The following MACROD2 variants were observed in gnomAD, a reference collection of about 807,000 sequenced individuals.
MACROD2 encodes mono-ADP ribosylhydrolase 2.
MACROD2 carries 36 observed loss-of-function variants against 70.4 expected under a neutral mutation model. The ratio of observed to expected loss-of-function variants is 0.51; its 90% CI spans 0.39 to 0.68. The LOEUF (loss-of-function observed/expected upper bound fraction) is 0.68, where lower values mean the gene tolerates loss of function less well. Ranked by LOEUF, MACROD2 falls within the 30% of genes least tolerant of loss-of-function variation. MACROD2 has a pLI of 0.00. For missense variants in MACROD2, 496 were observed against 538.4 expected (o/e 0.92, Z 0.78); for synonymous variants, 172 against 178.8 (o/e 0.96, Z 0.30).
In MACROD2 at chr20:14,002,489, A is replaced by G. The variant is rs554451178; in HGVS notation, c.163+85A>G. ...CAGAAATGAATAACTGGCGTTCAAT[A>G]AAGAGATTACTATTTTGCTATTTGA... On this transcript the variant is annotated intron_variant, in intron 2 of 17. Coordinates refer to ENST00000684519, the MANE Select transcript of MACROD2 (RefSeq NM_001351661.2). 24 of 751,678 alleles carry G rather than the reference A, an allele frequency of 3.2e-5. No homozygotes were observed. In the Middle Eastern group the frequency reaches 9.7e-4, roughly 31 times the overall value. The allele number at this position is 751,678 out of a possible 1,614,324, so 46.6% of individuals were successfully genotyped here.
chr20:14,899,623 T>C (rs1018922775), intron 5 of MACROD2, among the ~76,000 whole-genome samples: 1 of 152,166 alleles, frequency 6.6e-6, no homozygotes, highest in Non-Finnish European at 1.5e-5. Context: ...ATGACCTCTG[T>C]TAACTTGATT....
chr20:14,117,179 T>C (rs1423737558), intron 3 of MACROD2, among the ~76,000 whole-genome samples: 2 of 152,226 alleles, frequency 1.3e-5, no homozygotes, highest in Middle Eastern at 3.2e-3. Context: ...TATCTTTCTA[T>C]TGAATTCCTA....
intron 7 of MACROD2, among the ~76,000 whole-genome samples, chr20:15,484,270 G>GA (rs1457945283): frequency 2.6e-5 from 4 of 151,598 alleles, no homozygotes; most frequent in Admixed American, 6.6e-5. Context: ...CTACGTAGAA[G>GA]AAAAAAAAGA....
At chr20:14,442,647 T>G (rs1343817264) in intron 3 of MACROD2, among the ~76,000 whole-genome samples, 5 of 152,056 alleles carry the variant, frequency 3.3e-5, no homozygotes, top group Non-Finnish European at 7.3e-5. Flanking sequence ...GAACTTTCAC[T>G]CCCCAATTCC....
intron 3 of MACROD2, among the ~76,000 whole-genome samples, chr20:14,279,380 T>C (rs140105192): frequency 3.4e-4 from 52 of 152,326 alleles, no homozygotes; most frequent in African/African-American, 1.2e-3. Context: ...AGTTGGGTAA[T>C]AGTCATTCTT....
intron 4 of MACROD2, among the ~76,000 whole-genome samples, chr20:14,595,840 A>T (rs78157130): frequency 0.035 from 5,305 of 152,236 alleles, 109 homozygotes; most frequent in African/African-American, 0.047. Context: ...TGTATACCGG[A>T]ACCAAATTAA....
chr20:15,713,002 C>G (rs192514722), intron 8 of MACROD2, among the ~76,000 whole-genome samples: 8 of 152,270 alleles, frequency 5.3e-5, no homozygotes, highest in Admixed American at 4.6e-4. Context: ...GGTACTGTTT[C>G]TCAGTCCTGA....
At chr20:14,928,110 TGAACA>T (rs1337129827) in intron 5 of MACROD2, among the ~76,000 whole-genome samples, 4 of 152,232 alleles carry the variant, frequency 2.6e-5, no homozygotes, top group Non-Finnish European at 4.4e-5. Context: ...TACTAAACTC[TGAACA>T]GACACATTCA....
At chr20:14,039,913 A>G (rs187801995) in intron 2 of MACROD2, among the ~76,000 whole-genome samples, 23 of 152,238 alleles carry the variant, frequency 1.5e-4, no homozygotes, top group Admixed American at 1.1e-3. Context: ...AATTTAACTC[A>G]GTGATGTCGC....
At position 15,301,591 on chromosome 20, in the gene MACROD2, C is replaced by CTTTTTTTTTTTTTTTTTTTT. The variant is rs71340214; in HGVS notation, c.540+71534_540+71553dup. Among the ~76,000 whole-genome samples the CTTTTTTTTTTTTTTTTTTTT allele has an allele frequency of 2.5e-3, 206 of 81,242 alleles. 24 individuals are homozygous for CTTTTTTTTTTTTTTTTTTTT. The highest frequency in any genetic ancestry group is 3.5e-3 in the Non-Finnish European group (146 of 41,960). 53.3% of individuals were successfully genotyped at this position (81,242 alleles called of 152,430 possible). On this transcript the variant is annotated intron_variant, in intron 6 of 17. Transcript: ENST00000684519. ...GGAAGTTAGTAAGATGGTAGGTGGCCTTTTTTTTTTTTTTTTTTTTTTTGT... is the reference window on the plus strand; with the variant it reads ...GGAAGTTAGTAAGATGGTAGGTGGCCTTTTTTTTTTTTTTTTTTTTTTTTTTTTTTTTTTTTTTTTTTTGT...
chr20:15,486,168 G>GA (rs988341327), intron 7 of MACROD2, among the ~76,000 whole-genome samples: 85 of 150,346 alleles, frequency 5.7e-4, no homozygotes, highest in African/African-American at 1.3e-3. Context: ...AAGAGAATCT[G>GA]AAAAAAAAAG....
intron 8 of MACROD2, among the ~76,000 whole-genome samples, chr20:15,680,821 T>A (rs2050150217): frequency 6.6e-6 from 1 of 152,132 alleles, no homozygotes; most frequent in South Asian, 2.1e-4. Context: ...CAATAGAACA[T>A]ATTGATGATT....
intron 5 of MACROD2, among the ~76,000 whole-genome samples, chr20:15,030,652 TATAG>T (rs1474940319): frequency 1.4e-5 from 2 of 146,838 alleles, no homozygotes; most frequent in East Asian, 1.9e-4. Flanking sequence ...AAGGATAAAA[TATAG>T]ATAGATAGAC....
intron 12 of MACROD2, among the ~76,000 whole-genome samples, chr20:15,949,978 C>T (rs914885251): frequency 1.2e-4 from 19 of 152,136 alleles, no homozygotes; most frequent in African/African-American, 4.6e-4. Context: ...AACTTTGACT[C>T]CCAAAAGTGT....
intron 8 of MACROD2, among the ~76,000 whole-genome samples, chr20:15,743,549 A>G (rs1407625160): frequency 6.6e-6 from 1 of 152,076 alleles, no homozygotes; most frequent in Non-Finnish European, 1.5e-5. Context: ...ATCCTAACCC[A>G]TATTCTCTGT....
In MACROD2 at chr20:14,835,788, G is replaced by C. The variant is rs896597147; in HGVS notation, c.418+150829G>C. Among the ~76,000 whole-genome samples the C allele has an allele frequency of 3.3e-5, 5 of 152,012 alleles. No homozygotes were observed. In the East Asian group the frequency reaches 7.7e-4, roughly 23 times the overall value. ...CAATTCCATTTTGATATTTATTACA[G>C]ATTTCTTAGTAGATGCCAGACAGTG... is the stretch of plus-strand genomic sequence containing the variant. On this transcript the variant is annotated intron_variant, in intron 5 of 17. Transcript: ENST00000684519.
At chr20:15,017,062 G>T (rs1292516407) in intron 5 of MACROD2, among the ~76,000 whole-genome samples, 1 of 152,068 alleles carries the variant, frequency 6.6e-6, no homozygotes. Context: ...GTCCTCCAAA[G>T]TCTTAGCTCA....
At chr20:14,759,402 A>G (rs894432015) in intron 5 of MACROD2, among the ~76,000 whole-genome samples, 26 of 152,146 alleles carry the variant, frequency 1.7e-4, no homozygotes, top group Admixed American at 8.5e-4. Context: ...TAGATATTCC[A>G]TGCCATCATT....
chr20:15,809,957 G>A (rs1420026888), intron 8 of MACROD2, among the ~76,000 whole-genome samples: 1 of 150,188 alleles, frequency 6.7e-6, no homozygotes, highest in Non-Finnish European at 1.5e-5. Context: ...TTGGTGTACT[G>A]CACCCATTAA....
Sources: allele counts gnomAD v4.1 joint callset (sites outside exome capture counted in the v4.1 genomes callset), GRCh38; gene constraint gnomAD v4.1.1; transcripts MANE v1.5; gene names NCBI Gene and HGNC (gene_info 2026-07-23, HGNC 2026-07-21).